The following ZNF385D variants were observed in gnomAD, a reference collection of about 807,000 sequenced individuals.
ZNF385D encodes zinc finger protein 385D.
In ZNF385D, 15 loss-of-function variants were observed where a neutral mutation model predicts 35.8. The observed-to-expected ratio is 0.42, with a 90% CI of 0.28 to 0.64. The LOEUF (loss-of-function observed/expected upper bound fraction) is 0.64. Among genes scored for constraint, ZNF385D ranks in the 30% least tolerant of loss-of-function variants. The pLI is 0.23. For synonymous variants in ZNF385D, 212 were observed against 186.8 expected (o/e 1.13, Z -1.10); for missense variants, 474 against 494.6 (o/e 0.96, Z 0.39).
chr3:22,215,494 G>A (rs1222904495), intron 2 of ZNF385D, among the ~76,000 whole-genome samples: 1 of 151,916 alleles, frequency 6.6e-6, no homozygotes, highest in Non-Finnish European at 1.5e-5. Flanking sequence ...GATGAAATAA[G>A]CCCCAGTCTC....
chr3:21,760,046 A>G (rs533171149), intron 3 of ZNF385D, among the ~76,000 whole-genome samples: 1 of 152,224 alleles, frequency 6.6e-6, no homozygotes, highest in African/African-American at 2.4e-5. Flanking sequence ...TCTGAAATAC[A>G]TAAAGGAAGT....
intron 4 of ZNF385D, chr3:21,443,181 G>A (rs1314787991): frequency 7.1e-6 from 7 of 985,166 alleles, no homozygotes; most frequent in Non-Finnish European, 8.4e-6. Context: ...TACCTGATTT[G>A]GGTAGGTCCA....
chr3:21,871,427 G>A (rs1559709748), intron 3 of ZNF385D, among the ~76,000 whole-genome samples: 1 of 152,206 alleles, frequency 6.6e-6, no homozygotes, highest in South Asian at 2.1e-4. Context: ...TATGTTTATT[G>A]TCTGGTCAGT....
At chr3:22,123,901 C>G (rs1231085262) in intron 3 of ZNF385D, among the ~76,000 whole-genome samples, 1 of 145,116 alleles carries the variant, frequency 6.9e-6, no homozygotes, top group Non-Finnish European at 1.5e-5. Flanking sequence ...AAAAACAAAA[C>G]AAAAACTAGA....
At chr3:22,154,190 C>T (rs1705439262) in intron 3 of ZNF385D, among the ~76,000 whole-genome samples, 1 of 152,094 alleles carries the variant, frequency 6.6e-6, no homozygotes. Flanking sequence ...GGCATTCTGC[C>T]CTGTTTATTG....
chr3:22,175,872 G>A (rs1576447916), intron 2 of ZNF385D, among the ~76,000 whole-genome samples: 1 of 148,972 alleles, frequency 6.7e-6, no homozygotes, highest in Admixed American at 6.7e-5. Context: ...GACTAATGTA[G>A]AAAAATTTAT....
intron 3 of ZNF385D, among the ~76,000 whole-genome samples, chr3:21,541,856 T>C (rs2062184908): frequency 6.6e-6 from 1 of 152,168 alleles, no homozygotes; most frequent in Admixed American, 6.5e-5. Flanking sequence ...ACTAATACTT[T>C]AAGAAGTGTA....
intron 3 of ZNF385D, among the ~76,000 whole-genome samples, chr3:22,047,498 A>G (rs1353025385): frequency 6.6e-6 from 1 of 152,010 alleles, no homozygotes; most frequent in Non-Finnish European, 1.5e-5. Context: ...ATCATGTGGT[A>G]TTTGTCTTTC....
chr3:21,891,973 T>C (rs1698890682), intron 3 of ZNF385D, among the ~76,000 whole-genome samples: 1 of 152,184 alleles, frequency 6.6e-6, no homozygotes, highest in African/African-American at 2.4e-5. Context: ...GGAAATATTA[T>C]CAACAGCAGC....
Position 21,471,256 on chromosome 3 carries a change from CTCTCTCTCTCTCTCTCTT to C in ZNF385D, c.440-34071_440-34054del, listed in dbSNP as rs1446258928. Among the ~76,000 whole-genome samples, 458 of 114,808 alleles carry C rather than the reference CTCTCTCTCTCTCTCTCTT, an allele frequency of 4.0e-3. 1 individual carries two copies. The highest frequency in any genetic ancestry group is 6.1e-3 in the Non-Finnish European group (343 of 56,316). 75.3% of individuals were successfully genotyped at this position (114,808 alleles called of 152,430 possible). A position where few individuals can be genotyped will look rare whatever the true frequency, so the allele number is the denominator to read the frequency against. ...CATATTTCCCTCCCTCCCTCCCTTTCTCTCTCTCTCTCTCTCTTTCTCTCTCTCTCTCTCTCTCTCACA... is the reference window on the plus strand; with the variant it reads ...CATATTTCCCTCCCTCCCTCCCTTTCTCTCTCTCTCTCTCTCTCTCTCACA... On this transcript the variant is annotated intron_variant, in intron 4 of 7. Transcript: ENST00000281523.
intron 3 of ZNF385D, among the ~76,000 whole-genome samples, chr3:22,155,782 C>A (rs920764013): frequency 1.3e-5 from 2 of 152,040 alleles, no homozygotes; most frequent in Admixed American, 6.6e-5. Flanking sequence ...CATTAAAAAA[C>A]AATGGAGAGC....
At chr3:22,013,443 A>T (rs1191170974) in intron 3 of ZNF385D, among the ~76,000 whole-genome samples, 1 of 152,110 alleles carries the variant, frequency 6.6e-6, no homozygotes, top group African/African-American at 2.4e-5. Context: ...TAATGCTTTT[A>T]TGTTTTGTAC....
At chr3:21,912,185 C>G (rs1053410321) in intron 3 of ZNF385D, among the ~76,000 whole-genome samples, 2 of 151,970 alleles carry the variant, frequency 1.3e-5, no homozygotes, top group African/African-American at 4.8e-5. Flanking sequence ...CATTTCTCTT[C>G]TTACAAGACT....
At chr3:22,338,770 G>A (rs112913731) in intron 2 of ZNF385D, among the ~76,000 whole-genome samples, 2,209 of 142,892 alleles carry the variant, frequency 0.015, 52 homozygotes, top group African/African-American at 0.056. Flanking sequence ...GCGCGATCTC[G>A]GCTCACTGTA....
intron 3 of ZNF385D, among the ~76,000 whole-genome samples, chr3:21,545,952 C>A (rs551038290): frequency 8.1e-4 from 124 of 152,264 alleles, no homozygotes; most frequent in African/African-American, 2.3e-3. Context: ...CCTTGTGGAA[C>A]AAACTTCCAT....
At chr3:21,690,138 T>C (rs1176187866) in intron 1 of ZNF385D, among the ~76,000 whole-genome samples, 1 of 152,188 alleles carries the variant, frequency 6.6e-6, no homozygotes, top group Non-Finnish European at 1.5e-5. Flanking sequence ...ATTTTTCTTG[T>C]TCTCACTAAA....
chr3:21,773,047 G>C (rs569693528), intron 3 of ZNF385D, among the ~76,000 whole-genome samples: 4 of 151,916 alleles, frequency 2.6e-5, no homozygotes, highest in Admixed American at 1.3e-4. Flanking sequence ...GCTGGAGATG[G>C]GGGAGAGAAA....
intron 2 of ZNF385D, among the ~76,000 whole-genome samples, chr3:22,245,867 C>T (rs1332737738): frequency 6.6e-6 from 1 of 151,992 alleles, no homozygotes; most frequent in African/African-American, 2.4e-5. Flanking sequence ...CATGAAGAAC[C>T]TCTCTAATCA....
chr3:21,958,217 T>C (rs1477271359), intron 3 of ZNF385D, among the ~76,000 whole-genome samples: 2 of 152,094 alleles, frequency 1.3e-5, no homozygotes, highest in African/African-American at 4.8e-5. Context: ...GCACCAATAA[T>C]GGGCAAAATC....
Sources: gnomAD v4.1 joint callset for allele counts (sites outside exome capture counted in the v4.1 genomes callset) on GRCh38, gnomAD v4.1.1 for gene constraint, MANE v1.5 for transcripts, NCBI Gene and HGNC (gene_info 2026-07-23, HGNC 2026-07-21) for gene names.